The following ANKRD11 variants were observed in gnomAD, a reference collection of about 807,000 sequenced individuals.
ANKRD11 encodes ankyrin repeat domain-containing protein 11.
ANKRD11 carries 17 observed loss-of-function variants against 195.7 expected under a neutral mutation model. The observed-to-expected ratio is 0.09, with a 90% confidence interval of 0.06 to 0.13. ANKRD11 has a LOEUF of 0.13. ANKRD11 is among the 10% of genes least tolerant of loss of function. ANKRD11 has a pLI of 1.00. For synonymous variants in ANKRD11, 1,953 were observed against 1,528.1 expected (o/e 1.28, Z -6.49); for missense variants, 3,735 against 3,566.1 (o/e 1.05, Z -1.21).
intron 1 of ANKRD11, among the ~76,000 whole-genome samples, chr16:89,487,037 C>G (rs2057641176): frequency 6.6e-6 from 1 of 151,528 alleles, no homozygotes; most frequent in South Asian, 2.1e-4. Context: ...AAAACAATTT[C>G]AAATTAAGAG....
chr16:89,399,786 G>C (rs1408106899), intron 2 of ANKRD11, among the ~76,000 whole-genome samples: 1 of 131,736 alleles, frequency 7.6e-6, no homozygotes, highest in African/African-American at 3.0e-5. Context: ...TGAACCTAAA[G>C]CTAATATAAA....
intron 1 of ANKRD11, among the ~76,000 whole-genome samples, chr16:89,460,713 A>G (rs2056624246): frequency 6.6e-6 from 1 of 152,180 alleles, no homozygotes; most frequent in Non-Finnish European, 1.5e-5. Flanking sequence ...CTCCAGCCCG[A>G]GCAAGACAGC....
intron 1 of ANKRD11, among the ~76,000 whole-genome samples, chr16:89,460,318 A>G (rs2056607233): frequency 1.3e-5 from 2 of 152,102 alleles, no homozygotes. Flanking sequence ...CATAAAAATA[A>G]TAAGTGTATC....
At chr16:89,368,918 C>T (rs2040071634) in intron 2 of ANKRD11, among the ~76,000 whole-genome samples, 1 of 152,052 alleles carries the variant, frequency 6.6e-6, no homozygotes, top group Admixed American at 6.5e-5. Context: ...AAAAAATGGG[C>T]ACACAGAACA....
chr16:89,372,044 A>C (rs2040215836), intron 2 of ANKRD11, among the ~76,000 whole-genome samples: 1 of 152,228 alleles, frequency 6.6e-6, no homozygotes, highest in South Asian at 2.1e-4. Flanking sequence ...CTGAGCACTC[A>C]CACTGAAACC....
At chr16:89,417,590 C>G (rs912994465) in intron 2 of ANKRD11, among the ~76,000 whole-genome samples, 21 of 152,192 alleles carry the variant, frequency 1.4e-4, no homozygotes, top group African/African-American at 5.1e-4. Flanking sequence ...GGCTCCCACT[C>G]CTTACCTGCC....
At chr16:89,412,610 GCATC>G (rs2042145155) in intron 2 of ANKRD11, 1 of 152,098 alleles carries the variant, frequency 6.6e-6, no homozygotes, top group African/African-American at 2.4e-5. Flanking sequence ...TGGTGTTTTT[GCATC>G]CATAAAGTTC....
chr16:89,409,780 G>A (rs1305969219), intron 2 of ANKRD11, among the ~76,000 whole-genome samples: 1 of 152,098 alleles, frequency 6.6e-6, no homozygotes, highest in Non-Finnish European at 1.5e-5. Context: ...AACAAAATCT[G>A]ATCACATCTA....
intron 2 of ANKRD11, among the ~76,000 whole-genome samples, chr16:89,353,859 C>A (rs902485240): frequency 1.3e-5 from 2 of 152,218 alleles, no homozygotes; most frequent in Non-Finnish European, 2.9e-5. Flanking sequence ...AGCCCTGAGA[C>A]ACCCGAAACA....
chr16:89,456,352 C>G (rs1176166894), intron 1 of ANKRD11, among the ~76,000 whole-genome samples: 1 of 151,836 alleles, frequency 6.6e-6, no homozygotes, highest in Non-Finnish European at 1.5e-5. Flanking sequence ...AGTTCGAGAC[C>G]AGCCTAACCA....
chr16:89,466,353 G>A (rs769337759), intron 1 of ANKRD11, among the ~76,000 whole-genome samples: 1 of 152,188 alleles, frequency 6.6e-6, no homozygotes, highest in Non-Finnish European at 1.5e-5. Context: ...GGGGAAGGGG[G>A]ACAAGGACTG....
chr16:89,330,226 G>A (rs2037975412), intron 2 of ANKRD11, among the ~76,000 whole-genome samples: 1 of 152,022 alleles, frequency 6.6e-6, no homozygotes, highest in Non-Finnish European at 1.5e-5. Flanking sequence ...GTCCGGTCAG[G>A]GGCAGGACAC....
At chr16:89,443,723 T>C (rs913955042) in intron 1 of ANKRD11, among the ~76,000 whole-genome samples, 3 of 152,232 alleles carry the variant, frequency 2.0e-5, no homozygotes, top group Admixed American at 6.5e-5. Flanking sequence ...AACACCCCTT[T>C]ATTACATGTA....
chr16:89,444,720 G>A (rs2043703386), intron 1 of ANKRD11, among the ~76,000 whole-genome samples: 1 of 152,082 alleles, frequency 6.6e-6, no homozygotes, highest in Admixed American at 6.5e-5. Context: ...CAGGAAGGAG[G>A]ATGGCATGAG....
chr16:89,371,089 C>T lies in ANKRD11; in HGVS notation c.-60+47195G>A, dbSNP rs536932996. On this transcript the variant is annotated intron_variant, in intron 2 of 12. Transcript: ENST00000301030. Reference sequence around the variant, plus strand: ...TTCAGGTGAGAAACGTTCAACTGCGCGCTCGCTTACTGAAAACCGCCGAGG... The same window carrying T: ...TTCAGGTGAGAAACGTTCAACTGCGTGCTCGCTTACTGAAAACCGCCGAGG... Among the ~76,000 whole-genome samples, 33 of 152,278 alleles carry T rather than the reference C, an allele frequency of 2.2e-4. No individual in the cohort carries two copies. The South Asian group carries it at 4.1e-3, about 19-fold the overall frequency.
intron 2 of ANKRD11, among the ~76,000 whole-genome samples, chr16:89,398,686 G>C (rs947147886): frequency 1.3e-5 from 2 of 152,128 alleles, no homozygotes; most frequent in Non-Finnish European, 2.9e-5. Flanking sequence ...AGGCTGCAGT[G>C]AGCTATATGA....
intron 2 of ANKRD11, among the ~76,000 whole-genome samples, chr16:89,343,043 G>T (rs1325499068): frequency 1.3e-5 from 2 of 152,174 alleles, no homozygotes; most frequent in Non-Finnish European, 2.9e-5. Context: ...TATTTGAGAC[G>T]CAGTCTTGCT....
chr16:89,306,136 T>C (rs1597558091), intron 3 of ANKRD11, among the ~76,000 whole-genome samples: 1 of 56,458 alleles, frequency 1.8e-5, no homozygotes, highest in Non-Finnish European at 3.3e-5. Context: ...GCCACTTACC[T>C]CCCACTCCGC....
At chr16:89,319,624 G>A (rs1303030020) in intron 2 of ANKRD11, among the ~76,000 whole-genome samples, 2 of 152,250 alleles carry the variant, frequency 1.3e-5, no homozygotes, top group South Asian at 2.1e-4. Flanking sequence ...CCCAGCCCCC[G>A]CCTCTCCATG....
Sources: allele counts gnomAD v4.1 joint callset (sites outside exome capture counted in the v4.1 genomes callset), GRCh38; gene constraint gnomAD v4.1.1; transcripts MANE v1.5; gene names NCBI Gene and HGNC (gene_info 2026-07-23, HGNC 2026-07-21).